Variants in EFHD1 observed in about 807,000 individuals in gnomAD.
The protein encoded by EFHD1 is EF-hand domain family member D1, also known as EF-hand domain-containing protein D1.
Under a neutral mutation model 17.2 loss-of-function variants are expected in EFHD1, and 10 were observed. That is an observed-to-expected ratio of 0.58 (90% CI 0.36 to 0.99). The LOEUF (loss-of-function observed/expected upper bound fraction) is 0.99, where lower values mean the gene tolerates loss of function less well. Among genes scored for constraint, EFHD1 ranks in the 50% least tolerant of loss-of-function variants. The probability of loss-of-function intolerance (pLI) is 0.01; values close to 1 mark genes in which losing one functional copy is unlikely to be tolerated. For missense variants in EFHD1, 310 were observed against 327.5 expected (o/e 0.95, Z 0.41); for synonymous variants, 153 against 142.0 (o/e 1.08, Z -0.55).
chr2:232,641,133 C>G (rs1220124673), intron 1 of EFHD1, among the ~76,000 whole-genome samples: 4 of 152,168 alleles, frequency 2.6e-5, no homozygotes, highest in Non-Finnish European at 5.9e-5. Flanking sequence ...ACCTCCACCT[C>G]CCGGGCTCAA....
At chr2:232,658,384 A>G (rs1379032588) in intron 1 of EFHD1, among the ~76,000 whole-genome samples, 2 of 105,386 alleles carry the variant, frequency 1.9e-5, no homozygotes, top group Non-Finnish European at 4.0e-5. Context: ...TCTCTTCCCC[A>G]TAAGAGCCTG....
At chr2:232,631,951 C>T (rs1003995507), upstream of EFHD1, among the ~76,000 whole-genome samples, 19 of 150,780 alleles carry the variant, frequency 1.3e-4, no homozygotes, top group African/African-American at 4.1e-4. Flanking sequence ...TGCAGTGAGC[C>T]GAGATCATGC....
chr2:232,660,295 T>A (rs372166117), intron 1 of EFHD1, among the ~76,000 whole-genome samples: 1 of 151,942 alleles, frequency 6.6e-6, no homozygotes, highest in South Asian at 2.1e-4. Context: ...CCTGGGTTCA[T>A]GCCATTCTCC....
chr2:232,663,799 A>G (rs1193191781), intron 2 of EFHD1, among the ~76,000 whole-genome samples: 2 of 152,150 alleles, frequency 1.3e-5, no homozygotes, highest in African/African-American at 2.4e-5. Context: ...TTTGAAATAT[A>G]CAATAATGCG....
upstream of EFHD1, among the ~76,000 whole-genome samples, chr2:232,632,992 A>C (rs1289680644): frequency 6.6e-6 from 1 of 152,202 alleles, no homozygotes; most frequent in Non-Finnish European, 1.5e-5. Flanking sequence ...TCCTGCCTCT[A>C]GGGAAAACGG....
At chr2:232,624,293 C>T (rs1365951936) in intron 1 of EFHD1, among the ~76,000 whole-genome samples, 2 of 152,190 alleles carry the variant, frequency 1.3e-5, no homozygotes, top group East Asian at 3.9e-4. Context: ...TCCCTAAAGT[C>T]CCCCAGCCCC....
chr2:232,641,339 G>A (rs1398787361), intron 1 of EFHD1, among the ~76,000 whole-genome samples: 1 of 152,122 alleles, frequency 6.6e-6, no homozygotes, highest in Non-Finnish European at 1.5e-5. Context: ...GGCCACAATC[G>A]GAGTTACTGA....
rs1258198337 is a variant in EFHD1, at chr2:232,672,294, T to C, written c.451-15T>C. ...GTGAGACTGACTCTGGTTCCCTACT[T>C]TCTTTCCCCTGTAGTTCCTGCTCAT... On this transcript the variant is annotated splice_polypyrimidine_tract_variant and intron_variant, in intron 2 of 3. Transcript: ENST00000264059. 2 of 1,614,150 alleles carry C rather than the reference T, an allele frequency of 1.2e-6. No homozygotes were observed. Among genetic ancestry groups the C allele is most frequent in the Non-Finnish European group, 1.7e-6 (2 of 1,180,018 alleles).
At chr2:232,635,651 T>G (rs1321976669) in intron 1 of EFHD1, among the ~76,000 whole-genome samples, 1 of 152,082 alleles carries the variant, frequency 6.6e-6, no homozygotes, top group African/African-American at 2.4e-5. Flanking sequence ...AAACCCCATC[T>G]CTACTAAAAA....
At chr2:232,654,771 C>T (rs531720019) in intron 1 of EFHD1, among the ~76,000 whole-genome samples, 1 of 152,246 alleles carries the variant, frequency 6.6e-6, no homozygotes, top group East Asian at 1.9e-4. Context: ...TGGGGAGAGC[C>T]TCTTGTCCCT....
At chr2:232,655,093 C>T (rs1694736189) in intron 1 of EFHD1, among the ~76,000 whole-genome samples, 1 of 152,208 alleles carries the variant, frequency 6.6e-6, no homozygotes, top group South Asian at 2.1e-4. Flanking sequence ...GCCTGTTCTG[C>T]GAATTCTGTT....
chr2:232,626,285 CT>C (rs1439919838), intron 1 of EFHD1, among the ~76,000 whole-genome samples: 3 of 152,072 alleles, frequency 2.0e-5, no homozygotes, highest in African/African-American at 7.2e-5. Context: ...TTGGCTCACG[CT>C]TGCAATCCCA....
chr2:232,652,110 G>A (rs1190591836), intron 1 of EFHD1, among the ~76,000 whole-genome samples: 1 of 152,178 alleles, frequency 6.6e-6, no homozygotes, highest in Non-Finnish European at 1.5e-5. Flanking sequence ...TACATCAGAT[G>A]ACATTCATTT....
chr2:232,619,765 C>T (rs1186410566), intron 1 of EFHD1, among the ~76,000 whole-genome samples: 1 of 152,064 alleles, frequency 6.6e-6, no homozygotes, highest in East Asian at 1.9e-4. Flanking sequence ...GTGCAGTGGC[C>T]TGGAACTGTA....
intron 1 of EFHD1, among the ~76,000 whole-genome samples, chr2:232,615,915 G>C (rs907006259): frequency 2.0e-5 from 3 of 152,054 alleles, no homozygotes; most frequent in Non-Finnish European, 4.4e-5. Context: ...TTGAATTCCC[G>C]ACCTTAGGTG....
At chr2:232,624,296 C>T (rs1475429714) in intron 1 of EFHD1, among the ~76,000 whole-genome samples, 1 of 152,176 alleles carries the variant, frequency 6.6e-6, no homozygotes, top group African/African-American at 2.4e-5. Flanking sequence ...CTAAAGTCCC[C>T]CAGCCCCAGC....
At chr2:232,638,884 G>C (rs767504935) in intron 1 of EFHD1, among the ~76,000 whole-genome samples, 2 of 152,192 alleles carry the variant, frequency 1.3e-5, no homozygotes, top group Non-Finnish European at 2.9e-5. Context: ...TTTGAATTGG[G>C]GGGTAGGGTA....
chr2:232,660,351 C>T (rs984703716), intron 1 of EFHD1, among the ~76,000 whole-genome samples: 5 of 151,794 alleles, frequency 3.3e-5, no homozygotes, highest in African/African-American at 7.3e-5. Flanking sequence ...CCTGCCACCA[C>T]GCCCGGCTCA....
At chr2:232,645,880 A>G (rs72999791) in intron 1 of EFHD1, among the ~76,000 whole-genome samples, 7 of 152,080 alleles carry the variant, frequency 4.6e-5, no homozygotes, top group Admixed American at 1.3e-4. Flanking sequence ...AGTGGCCTGC[A>G]CTCTTGTCCA....
Sources: gnomAD v4.1 joint callset for allele counts (sites outside exome capture counted in the v4.1 genomes callset) on GRCh38, gnomAD v4.1.1 for gene constraint, MANE v1.5 for transcripts, NCBI Gene and HGNC (gene_info 2026-07-23, HGNC 2026-07-21) for gene names.